SOX6: variants seen among roughly 807,000 people sequenced by gnomAD.
The protein encoded by SOX6 is transcription factor SOX-6.
A neutral mutation model predicts 97.8 loss-of-function variants in SOX6; 11 were observed. The ratio of observed to expected loss-of-function variants is 0.11; its 90% CI spans 0.07 to 0.19. The LOEUF (loss-of-function observed/expected upper bound fraction) is 0.19, where lower values mean the gene tolerates loss of function less well. Ranked by LOEUF, SOX6 falls within the 10% of genes least tolerant of loss-of-function variation. The pLI is 1.00. For missense variants in SOX6, 810 were observed against 1,039.5 expected (o/e 0.78, Z 3.04); for synonymous variants, 360 against 371.4 (o/e 0.97, Z 0.35).
intron 4 of SOX6, among the ~76,000 whole-genome samples, chr11:16,591,516 T>C (rs1276206948): frequency 6.6e-6 from 1 of 152,118 alleles, no homozygotes; most frequent in Non-Finnish European, 1.5e-5. Context: ...TGAAAGAATA[T>C]TTTGAAAACA....
At chr11:16,504,907 T>G (rs1860761978) in intron 4 of SOX6, among the ~76,000 whole-genome samples, 1 of 152,042 alleles carries the variant, frequency 6.6e-6, no homozygotes, top group African/African-American at 2.4e-5. Context: ...TCCTGAGACC[T>G]CCCCAGAAGC....
intron 1 of SOX6, among the ~76,000 whole-genome samples, chr11:16,427,921 G>T (rs944632313): frequency 6.6e-6 from 1 of 152,042 alleles, no homozygotes; most frequent in Non-Finnish European, 1.5e-5. Context: ...TTCCACAATG[G>T]TTGAACTAGT....
chr11:16,308,844 A>C (rs1202851640), intron 3 of SOX6, among the ~76,000 whole-genome samples: 1 of 152,186 alleles, frequency 6.6e-6, no homozygotes, highest in Non-Finnish European at 1.5e-5. Context: ...TCCTAGTTGA[A>C]AGGAGGGCTA....
chr11:16,181,649 C>T (rs1462177774), intron 6 of SOX6, among the ~76,000 whole-genome samples: 5 of 150,750 alleles, frequency 3.3e-5, no homozygotes, highest in Middle Eastern at 3.5e-3. Context: ...GTAAGGAGTA[C>T]GTGTTTTTCA....
chr11:16,499,354 C>A (rs1252979266), intron 4 of SOX6, among the ~76,000 whole-genome samples: 1 of 151,946 alleles, frequency 6.6e-6, no homozygotes, highest in Non-Finnish European at 1.5e-5. Flanking sequence ...CAAGAGAAAG[C>A]AGGAAAGATC....
At chr11:16,362,767 T>A (rs962358403) in intron 1 of SOX6, among the ~76,000 whole-genome samples, 1 of 152,124 alleles carries the variant, frequency 6.6e-6, no homozygotes, top group African/African-American at 2.4e-5. Context: ...TAAAATTTTC[T>A]GGGGAATCAA....
chr11:16,068,868 T>C (rs1323991776), intron 9 of SOX6, among the ~76,000 whole-genome samples: 8 of 152,218 alleles, frequency 5.3e-5, no homozygotes, highest in Non-Finnish European at 4.4e-5. Flanking sequence ...TCTTCCCATA[T>C]TTTTTTCTCC....
chr11:16,207,108 T>C (rs957146049), intron 4 of SOX6, among the ~76,000 whole-genome samples: 2 of 152,050 alleles, frequency 1.3e-5, no homozygotes, highest in African/African-American at 4.8e-5. Context: ...GAAAAGTCAT[T>C]TCTCTCTCAT....
At chr11:16,400,090 T>C (rs895383041) in intron 1 of SOX6, among the ~76,000 whole-genome samples, 2 of 151,548 alleles carry the variant, frequency 1.3e-5, no homozygotes, top group African/African-American at 2.4e-5. Flanking sequence ...TTGTTGAACA[T>C]GTTTAATGGT....
intron 4 of SOX6, among the ~76,000 whole-genome samples, chr11:16,500,823 T>C (rs192403706): frequency 0.011 from 1,680 of 152,238 alleles, 30 homozygotes; most frequent in East Asian, 0.05. Flanking sequence ...TACAAACAAA[T>C]GGAAGAACAT....
intron 6 of SOX6, among the ~76,000 whole-genome samples, chr11:16,132,444 A>AGAAAAAAGAAAGAAAG (rs1554934020): frequency 1.5e-4 from 4 of 27,226 alleles, no homozygotes; most frequent in Admixed American, 4.3e-4. Flanking sequence ...AAAGAAAGAA[A>AGAAAAAAGAAAGAAAG]AAAGAAAGAA....
intron 3 of SOX6, among the ~76,000 whole-genome samples, chr11:16,650,201 C>T (rs1240594242): frequency 6.6e-6 from 1 of 152,060 alleles, no homozygotes; most frequent in Non-Finnish European, 1.5e-5. Flanking sequence ...CTTCAATACT[C>T]CACTGACAGC....
chr11:16,136,436 C>T (rs181429974), intron 6 of SOX6, among the ~76,000 whole-genome samples: 5 of 146,740 alleles, frequency 3.4e-5, no homozygotes, highest in African/African-American at 1.0e-4. Context: ...GGTCTCACTT[C>T]GTCACCCAGG....
At chr11:16,454,047 G>A (rs1327590192) in intron 1 of SOX6, among the ~76,000 whole-genome samples, 3 of 152,062 alleles carry the variant, frequency 2.0e-5, no homozygotes, top group Admixed American at 2.0e-4. Flanking sequence ...ATGCAGAATC[G>A]TGGCCACTAG....
chr11:16,327,968 A>T (rs1374428989), intron 2 of SOX6, among the ~76,000 whole-genome samples: 37 of 152,170 alleles, frequency 2.4e-4, no homozygotes, highest in Admixed American at 2.4e-3. Context: ...AGCAAGAATG[A>T]ATTAAATCTA....
chr11:16,445,052 TA>T (rs1859584884), intron 1 of SOX6, among the ~76,000 whole-genome samples: 1 of 152,188 alleles, frequency 6.6e-6, no homozygotes, highest in Admixed American at 6.5e-5. Flanking sequence ...CCTTAATAAC[TA>T]GTGAACCTAA....
intron 2 of SOX6, among the ~76,000 whole-genome samples, chr11:16,733,312 G>A (rs1047669187): frequency 1.6e-4 from 25 of 152,114 alleles, no homozygotes; most frequent in Admixed American, 9.8e-4. Context: ...CAATAGCAAA[G>A]ACTTGGAACC....
chr11:16,521,225 CA>C, intron 4 of SOX6, among the ~76,000 whole-genome samples: 1 of 152,204 alleles, frequency 6.6e-6, no homozygotes, highest in East Asian at 1.9e-4. Flanking sequence ...AACTGGGAGG[CA>C]CCCCCAGTAG....
Position 16,717,866 on chromosome 11 carries a change from C to CTT in SOX6, n.354-2963_354-2962dup, listed in dbSNP as rs796071914. On this transcript the variant is annotated intron_variant and non_coding_transcript_variant, in intron 2 of 5. Transcript: ENST00000524520. ...AATATGGCAACTCTTCCTCTTTGTT[C>CTT]TTTTTTTTTTTTAAGCTTTTCTTCT... Among the ~76,000 whole-genome samples the CTT allele has an allele frequency of 2.6e-4, 35 of 135,966 alleles. No individual in the cohort carries two copies. In the East Asian group the frequency reaches 5.6e-3, roughly 22 times the overall value. The allele number at this position is 135,966 out of a possible 152,430, so 89.2% of individuals were successfully genotyped here.
Sources: allele counts gnomAD v4.1 joint callset (sites outside exome capture counted in the v4.1 genomes callset), GRCh38; gene constraint gnomAD v4.1.1; transcripts MANE v1.5; gene names NCBI Gene and HGNC (gene_info 2026-07-23, HGNC 2026-07-21).